JAZF1: variants seen among roughly 807,000 people sequenced by gnomAD.
JAZF1 encodes JAZF zinc finger 1, also known as juxtaposed with another zinc finger protein 1.
A neutral mutation model predicts 26.4 loss-of-function variants in JAZF1; 8 were observed. The observed-to-expected ratio is 0.30, with a 90% CI of 0.18 to 0.55. The LOEUF (loss-of-function observed/expected upper bound fraction) is 0.55, where lower values mean the gene tolerates loss of function less well. Ranked by LOEUF, JAZF1 falls within the 20% of genes least tolerant of loss-of-function variation. JAZF1 has a pLI of 0.94. For synonymous variants in JAZF1, 126 were observed against 122.3 expected (o/e 1.03, Z -0.20); for missense variants, 199 against 322.0 (o/e 0.62, Z 2.92).
At chr7:28,081,519 G>T (rs1784136909) in intron 1 of JAZF1, among the ~76,000 whole-genome samples, 1 of 152,192 alleles carries the variant, frequency 6.6e-6, no homozygotes, top group Non-Finnish European at 1.5e-5. Context: ...TGCTTAGCTG[G>T]GGTTTTGGGG....
chr7:27,886,788 T>C (rs556460382), intron 3 of JAZF1, among the ~76,000 whole-genome samples: 2 of 152,320 alleles, frequency 1.3e-5, no homozygotes, highest in African/African-American at 4.8e-5. Flanking sequence ...TATAACAAGA[T>C]AGATGCTCAG....
At chr7:28,131,893 T>G (rs888563533) in intron 1 of JAZF1, among the ~76,000 whole-genome samples, 20 of 152,318 alleles carry the variant, frequency 1.3e-4, no homozygotes, top group Middle Eastern at 6.8e-3. Flanking sequence ...TTCTTGAAAT[T>G]TAATGCAATG....
At chr7:27,904,962 C>G (rs1313293375) in intron 2 of JAZF1, among the ~76,000 whole-genome samples, 3 of 152,182 alleles carry the variant, frequency 2.0e-5, no homozygotes, top group Non-Finnish European at 2.9e-5. Context: ...AAGACAGGGT[C>G]TCACTCTGTC....
At chr7:27,931,750 C>A (rs1296447845) in intron 2 of JAZF1, among the ~76,000 whole-genome samples, 1 of 151,754 alleles carries the variant, frequency 6.6e-6, no homozygotes, top group Admixed American at 6.6e-5. Flanking sequence ...CCTGGGAGAA[C>A]TGCTTGAACC....
chr7:27,963,324 C>G (rs958973131), intron 2 of JAZF1, among the ~76,000 whole-genome samples: 2 of 152,268 alleles, frequency 1.3e-5, no homozygotes, highest in Admixed American at 6.5e-5. Context: ...CTTTGGAGCT[C>G]TCTTTCCAAC....
chr7:28,104,725 G>A (rs1209179914), intron 1 of JAZF1, among the ~76,000 whole-genome samples: 1 of 152,098 alleles, frequency 6.6e-6, no homozygotes, highest in Non-Finnish European at 1.5e-5. Context: ...GAACGTATTA[G>A]GTTCGCAGAC....
chr7:28,035,378 G>A (rs1783273273), intron 1 of JAZF1, among the ~76,000 whole-genome samples: 1 of 140,220 alleles, frequency 7.1e-6, no homozygotes, highest in Non-Finnish European at 1.5e-5. Flanking sequence ...ATCTGTTATA[G>A]TGTTGAAAAA....
intron 1 of JAZF1, among the ~76,000 whole-genome samples, chr7:28,077,867 G>A (rs951631627): frequency 6.6e-6 from 1 of 152,174 alleles, no homozygotes; most frequent in Non-Finnish European, 1.5e-5. Context: ...TGAGGAAGTG[G>A]TAATTTGGAT....
At position 27,913,262 on chromosome 7, in the gene JAZF1, A is replaced by G. The variant is rs576800324; in HGVS notation, c.189-17846T>C. The G allele has an allele frequency of 1.1e-5, 2 of 185,342 alleles. 1 individual carries two copies. Among genetic ancestry groups the G allele is most frequent in the South Asian group, 3.3e-4 (2 of 6,112 alleles). The allele number at this position is 185,342 out of a possible 1,614,324, so 11.5% of individuals were successfully genotyped here. On this transcript the variant is annotated intron_variant, in intron 2 of 4. Coordinates refer to ENST00000283928, the MANE Select transcript of JAZF1 (RefSeq NM_175061.4). ...ATAGATATTTATGTTTACATATTAT[A>G]TATGTATTTATATATATTATATATA...
chr7:27,876,488 T>G (rs2128338816), intron 3 of JAZF1, among the ~76,000 whole-genome samples: 1 of 152,272 alleles, frequency 6.6e-6, no homozygotes, highest in Admixed American at 6.5e-5. Context: ...AACACCACCG[T>G]TATCACAACT....
chr7:28,118,555 A>G (rs1402907479), intron 1 of JAZF1, among the ~76,000 whole-genome samples: 1 of 152,170 alleles, frequency 6.6e-6, no homozygotes, highest in Non-Finnish European at 1.5e-5. Flanking sequence ...AATTATTTCT[A>G]TTTGAAAATT....
At chr7:28,139,747 C>G (rs750523325) in intron 1 of JAZF1, among the ~76,000 whole-genome samples, 5 of 152,168 alleles carry the variant, frequency 3.3e-5, no homozygotes, top group Non-Finnish European at 5.9e-5. Context: ...TTCCTGTTTC[C>G]CTACACTCAA....
intron 3 of JAZF1, among the ~76,000 whole-genome samples, chr7:27,882,431 T>C (rs1206180619): frequency 6.6e-6 from 1 of 152,192 alleles, no homozygotes; most frequent in Admixed American, 6.5e-5. Context: ...TTAACACCAG[T>C]CCAATTTTCC....
At chr7:27,932,217 G>T (rs911880325) in intron 2 of JAZF1, among the ~76,000 whole-genome samples, 1 of 152,174 alleles carries the variant, frequency 6.6e-6, no homozygotes, top group Non-Finnish European at 1.5e-5. Context: ...TAGGACTAAC[G>T]CAGTAAGTTA....
intron 2 of JAZF1, among the ~76,000 whole-genome samples, chr7:27,922,822 A>G (rs1784554259): frequency 6.6e-6 from 1 of 152,224 alleles, no homozygotes; most frequent in South Asian, 2.1e-4. Context: ...CAACTCACAG[A>G]GGTGCCAGAG....
intron 1 of JAZF1, among the ~76,000 whole-genome samples, chr7:27,998,814 A>C (rs1273474600): frequency 4.6e-5 from 7 of 152,244 alleles, no homozygotes; most frequent in Non-Finnish European, 8.8e-5. Context: ...TGTTTGGACA[A>C]TGTTCCATAG....
intron 1 of JAZF1, among the ~76,000 whole-genome samples, chr7:28,002,262 G>T (rs1295658156): frequency 6.6e-6 from 1 of 152,210 alleles, no homozygotes; most frequent in Non-Finnish European, 1.5e-5. Flanking sequence ...TTAAAAGCCA[G>T]AGGTTGTGCT....
In JAZF1 at chr7:27,839,287, A is replaced by G. The variant is rs139704974; in HGVS notation, c.555+1411T>C. Among the ~76,000 whole-genome samples the G allele has an allele frequency of 8.6e-3, 1,309 of 152,320 alleles. 18 individuals carry two copies. The highest frequency in any genetic ancestry group is 0.029 in the African/African-American group (1,196 of 41,570). On this transcript the variant is annotated intron_variant, in intron 4 of 4. Transcript: ENST00000283928. ...GCTTGGCCCTGGAGAGCAGGCAGCA[A>G]GACCGCAGTGGTGGGGAGGAACAGC...
At chr7:27,911,757 T>A (rs1221449927) in intron 2 of JAZF1, among the ~76,000 whole-genome samples, 1 of 152,018 alleles carries the variant, frequency 6.6e-6, no homozygotes, top group Admixed American at 6.6e-5. Flanking sequence ...TGATCTAGAT[T>A]TGGGAGTCAT....
Sources: gnomAD v4.1 joint callset for allele counts (sites outside exome capture counted in the v4.1 genomes callset) on GRCh38, gnomAD v4.1.1 for gene constraint, MANE v1.5 for transcripts, NCBI Gene and HGNC (gene_info 2026-07-23, HGNC 2026-07-21) for gene names.